HECW2: variants seen among roughly 807,000 people sequenced by gnomAD.
HECW2 encodes the protein E3 ubiquitin-protein ligase HECW2.
In HECW2, 61 loss-of-function variants were observed where a neutral mutation model predicts 175.2. The observed-to-expected ratio is 0.35, with a 90% CI of 0.28 to 0.43. HECW2 has a LOEUF of 0.43. HECW2 is among the 20% of genes least tolerant of loss of function. The pLI, the probability that HECW2 is intolerant of heterozygous loss-of-function variation, is 1.00. For synonymous variants in HECW2, 671 were observed against 731.0 expected (o/e 0.92, Z 1.32); for missense variants, 1,524 against 2,000.5 (o/e 0.76, Z 4.54).
intron 2 of HECW2, among the ~76,000 whole-genome samples, chr2:196,363,353 A>C (rs559693395): frequency 1.3e-5 from 2 of 152,142 alleles, no homozygotes; most frequent in East Asian, 3.9e-4. Flanking sequence ...TGAGAAAACT[A>C]AGGCTCACCG....
intron 1 of HECW2, among the ~76,000 whole-genome samples, chr2:196,445,042 T>C (rs1175409190): frequency 2.0e-5 from 3 of 152,226 alleles, no homozygotes; most frequent in Non-Finnish European, 4.4e-5. Context: ...CACTCTCTTT[T>C]TGAAGAGCAC....
intron 2 of HECW2, among the ~76,000 whole-genome samples, chr2:196,373,798 C>T (rs750171905): frequency 2.6e-5 from 4 of 151,978 alleles, no homozygotes; most frequent in Non-Finnish European, 4.4e-5. Flanking sequence ...ATTGGGAAGC[C>T]GAGGCGGGCA....
chr2:196,523,831 T>A (rs1386196641), intron 1 of HECW2, among the ~76,000 whole-genome samples: 2 of 152,016 alleles, frequency 1.3e-5, no homozygotes, highest in Non-Finnish European at 2.9e-5. Context: ...GAAGCCCACT[T>A]GATCATAGTG....
intron 2 of HECW2, among the ~76,000 whole-genome samples, chr2:196,391,424 T>A (rs1559083549): frequency 6.6e-6 from 1 of 152,184 alleles, no homozygotes; most frequent in African/African-American, 2.4e-5. Context: ...CTGACTGACA[T>A]AACAATCAAT....
At chr2:196,512,681 G>A (rs977121764) in intron 1 of HECW2, among the ~76,000 whole-genome samples, 1 of 151,502 alleles carries the variant, frequency 6.6e-6, no homozygotes, top group African/African-American at 2.4e-5. Context: ...GATTGCACCT[G>A]GCCAGATTAT....
chr2:196,237,070 G>A (rs1282270500), intron 21 of HECW2, among the ~76,000 whole-genome samples: 1 of 152,098 alleles, frequency 6.6e-6, no homozygotes, highest in Admixed American at 6.5e-5. Context: ...GTCTAATTGG[G>A]CCAAATTACA....
chr2:196,437,826 GGA>G (rs1695925569), intron 1 of HECW2, among the ~76,000 whole-genome samples: 1 of 152,086 alleles, frequency 6.6e-6, no homozygotes, highest in Non-Finnish European at 1.5e-5. Context: ...AGTCAAGGAA[GGA>G]GAGACTCCAA....
At chr2:196,446,402 AC>A in intron 1 of HECW2, among the ~76,000 whole-genome samples, 1 of 152,250 alleles carries the variant, frequency 6.6e-6, no homozygotes, top group East Asian at 1.9e-4. Flanking sequence ...ATTGTAATAT[AC>A]AGTATGACTT....
At chr2:196,487,415 G>A (rs552996832) in intron 1 of HECW2, among the ~76,000 whole-genome samples, 1 of 152,274 alleles carries the variant, frequency 6.6e-6, no homozygotes, top group South Asian at 2.1e-4. Flanking sequence ...CCAATCTCTG[G>A]ATGATAATGC....
chr2:196,315,562 T>G (rs1691662868), intron 10 of HECW2, among the ~76,000 whole-genome samples: 1 of 152,218 alleles, frequency 6.6e-6, no homozygotes, highest in Non-Finnish European at 1.5e-5. Context: ...TTCTCCTGTT[T>G]GTCAGTCACT....
intron 14 of HECW2, chr2:196,290,667 A>G (rs1311476930): frequency 6.6e-6 from 1 of 152,110 alleles, no homozygotes; most frequent in African/African-American, 2.4e-5. Context: ...TACTACCAGT[A>G]TTTTTCAAAG....
intron 1 of HECW2, among the ~76,000 whole-genome samples, chr2:196,518,796 C>T (rs1688243960): frequency 6.6e-6 from 1 of 152,098 alleles, no homozygotes; most frequent in South Asian, 2.1e-4. Context: ...TGCCCTCTTG[C>T]CCACCTGGGT....
rs139514738 is a variant in HECW2 at position 196,339,516 on chromosome 2, T to C, written c.400+4141A>G. 4.7e-3 allele frequency among the ~76,000 whole-genome samples: 714 copies of C among 152,290 alleles called. 5 individuals are homozygous for C. The highest frequency in any genetic ancestry group is 0.017 in the African/African-American group (690 of 41,550). On this transcript the variant is annotated intron_variant, in intron 3 of 28. Transcript: ENST00000644978. ...AAGTTTAGTACTCTAAGCTCACTCATTGATACAAGATTTAGTGAGCACCTA... is the reference window on the plus strand; with the variant it reads ...AAGTTTAGTACTCTAAGCTCACTCACTGATACAAGATTTAGTGAGCACCTA...
chr2:196,269,714 G>A (rs563794988), intron 17 of HECW2, among the ~76,000 whole-genome samples: 140 of 152,106 alleles, frequency 9.2e-4, no homozygotes, highest in African/African-American at 2.9e-3. Context: ...GGAAAATAAC[G>A]CATAAGGACT....
At chr2:196,432,983 C>T (rs1464990130) in intron 2 of HECW2, 149 bp downstream of exon 2, 1 of 696,584 alleles carries the variant, frequency 1.4e-6, no homozygotes, top group East Asian at 2.8e-5. Context: ...CTCCTCCTCC[C>T]AAAGAAGAAA....
At chr2:196,334,916 G>C (rs1692496549) in intron 3 of HECW2, among the ~76,000 whole-genome samples, 1 of 152,146 alleles carries the variant, frequency 6.6e-6, no homozygotes. Context: ...GAGATGTTGA[G>C]GTTTGCTGCA....
In HECW2 at chr2:196,491,505, C is replaced by T. The variant is rs1022916501; in HGVS notation, c.-35-58047G>A. Reference sequence around the variant, plus strand: ...ATATATACACATATATATATATACACACACACACACACACACACACATATA... The same window carrying T: ...ATATATACACATATATATATATACATACACACACACACACACACACATATA... On this transcript the variant is annotated intron_variant, in intron 1 of 28. Transcript: ENST00000644978. 3.4e-3 allele frequency among the ~76,000 whole-genome samples: 342 copies of T among 101,020 alleles called. 3 individuals carry two copies. The highest frequency in any genetic ancestry group is 0.025 in the African/African-American group (272 of 10,962). The allele number at this position is 101,020 out of a possible 152,430, so 66.3% of individuals were successfully genotyped here.
intron 28 of HECW2, among the ~76,000 whole-genome samples, chr2:196,210,885 A>C (rs889897637): frequency 6.6e-6 from 1 of 152,072 alleles, no homozygotes; most frequent in African/African-American, 2.4e-5. Context: ...TGGACTCCCA[A>C]AGTGCTGGGA....
intron 1 of HECW2, among the ~76,000 whole-genome samples, chr2:196,587,609 A>T (rs544932877): frequency 6.6e-6 from 1 of 152,256 alleles, no homozygotes; most frequent in Non-Finnish European, 1.5e-5. Flanking sequence ...TGGGAATACA[A>T]TTTAAGAACA....
Sources: allele counts gnomAD v4.1 joint callset (sites outside exome capture counted in the v4.1 genomes callset), GRCh38; gene constraint gnomAD v4.1.1; transcripts MANE v1.5; gene names NCBI Gene and HGNC (gene_info 2026-07-23, HGNC 2026-07-21).